Variants in TOP1MT observed in about 807,000 individuals in gnomAD.
TOP1MT encodes DNA topoisomerase I, mitochondrial.
A neutral mutation model predicts 73.9 loss-of-function variants in TOP1MT; 80 were observed. That is an observed-to-expected ratio of 1.08 (90% CI 0.90 to 1.30). The LOEUF (loss-of-function observed/expected upper bound fraction) is 1.30, where lower values mean the gene tolerates loss of function less well. TOP1MT is among the 50% of genes most tolerant of loss of function. TOP1MT has a pLI of 0.00. For missense variants in TOP1MT, 815 were observed against 808.0 expected, an observed-to-expected ratio of 1.01 and a Z score of -0.10; for synonymous variants, 338 against 326.4, an observed-to-expected ratio of 1.04 and a Z score of -0.38.
At chr8:143,323,265 T>C (rs1438215461) in intron 7 of TOP1MT, among the ~76,000 whole-genome samples, 40 of 14,006 alleles carry the variant, frequency 2.9e-3, no homozygotes, top group Non-Finnish European at 3.4e-3. Context: ...GCCACACACA[T>C]GCACGCCACA....
At chr8:143,330,074 C>A (rs957978330) in intron 2 of TOP1MT, among the ~76,000 whole-genome samples, 4 of 152,214 alleles carry the variant, frequency 2.6e-5, no homozygotes, top group African/African-American at 2.4e-5. Flanking sequence ...AATGCATAAT[C>A]ATTTGGTAAG....
At position 143,325,381 on chromosome 8, in the gene TOP1MT, C is replaced by A; in HGVS notation, c.636G>T (p.Arg212Ser). Residue 212 changes from arginine to serine, a missense_variant, in exon 5 of 14, where the codon AGG (arginine) becomes AGT (serine). By Grantham distance (110) the Arg-to-Ser change is moderately radical (BLOSUM62 -1). Around this residue, in one of 3 missense-constraint regions of TOP1MT, gnomAD observed 751 missense variants for 725.4 expected, o/e 1.04. Coordinates refer to ENST00000329245, the MANE Select transcript of TOP1MT (RefSeq NM_052963.3). ...DHPKMGMLKRRITPEDVVINC... is the reference protein window; with the variant it reads ...DHPKMGMLKRSITPEDVVINC... ...TGATAACCACATCCTCTGGCGTGAT[C>A]CTTCTCTTCAGCATCCCCATCTTGG... 6.2e-7 allele frequency: 1 copy of A among 1,606,864 alleles called. No homozygotes were observed. The highest frequency in any genetic ancestry group is 1.7e-5 in the Admixed American group (1 of 59,904).
intron 1 of TOP1MT, among the ~76,000 whole-genome samples, chr8:143,353,962 C>CT (rs1817363038): frequency 7.6e-5 from 1 of 13,088 alleles, no homozygotes; most frequent in Non-Finnish European, 1.2e-4. Context: ...AGACTCCATC[C>CT]CAAAAAAAAA....
At chr8:143,342,498 C>T (rs561385985) in intron 2 of TOP1MT, among the ~76,000 whole-genome samples, 3 of 124,088 alleles carry the variant, frequency 2.4e-5, no homozygotes, top group Admixed American at 8.3e-5. Flanking sequence ...GACAGAGTCT[C>T]GCTGTTATTA....
intron 8 of TOP1MT, among the ~76,000 whole-genome samples, chr8:143,318,810 G>A (rs2129979942): frequency 6.6e-6 from 1 of 152,198 alleles, no homozygotes; most frequent in Admixed American, 6.5e-5. Flanking sequence ...AAACCCACAG[G>A]CACCGGGACA....
chr8:143,322,519 A>AACAGGCATGCCAC (rs1816481061), intron 7 of TOP1MT, among the ~76,000 whole-genome samples: 1 of 76,022 alleles, frequency 1.3e-5, no homozygotes, highest in Non-Finnish European at 2.4e-5. Context: ...CACGCCACAC[A>AACAGGCATGCCAC]ACAGGCACGC....
At chr8:143,353,324 G>A (rs1275557188) in intron 1 of TOP1MT, among the ~76,000 whole-genome samples, 1 of 152,072 alleles carries the variant, frequency 6.6e-6, no homozygotes, top group East Asian at 1.9e-4. Flanking sequence ...GCTGAAGTGG[G>A]AGGGTGGCTT....
chr8:143,338,109 C>T (rs1042767120), upstream of TOP1MT, among the ~76,000 whole-genome samples: 1 of 152,138 alleles, frequency 6.6e-6, no homozygotes, highest in Admixed American at 6.5e-5. Flanking sequence ...TCCCTAAAAC[C>T]GGTGTCCGAG....
In TOP1MT at chr8:143,350,930, G is replaced by A. The variant is rs373348213; in HGVS notation, c.-39+5035C>T. On this transcript the variant is annotated intron_variant, in intron 1 of 5. Transcript: ENST00000518760. Reference sequence around the variant, plus strand: ...GTCTGGCTCCTGGGTCCTCCTCTTCGACCAGGCCCTGACCTTGGCTTAGTC... The same window carrying A: ...GTCTGGCTCCTGGGTCCTCCTCTTCAACCAGGCCCTGACCTTGGCTTAGTC... 2.9e-4 allele frequency among the ~76,000 whole-genome samples: 44 copies of A among 151,954 alleles called. No homozygotes were observed. In the East Asian group the frequency reaches 6.6e-3, roughly 23 times the overall value.
chr8:143,353,455 T>C (rs892615583), intron 1 of TOP1MT, among the ~76,000 whole-genome samples: 5 of 151,494 alleles, frequency 3.3e-5, no homozygotes, highest in African/African-American at 4.9e-5. Context: ...TAAATAAACA[T>C]TTCTTCAAAG....
chr8:143,359,523 AG>A, upstream of TOP1MT: 1 of 735,022 alleles, frequency 1.4e-6, no homozygotes, highest in South Asian at 6.3e-5. Flanking sequence ...TCAGGAGCCA[AG>A]GGAGCGATGA....
intron 2 of TOP1MT, among the ~76,000 whole-genome samples, chr8:143,329,742 G>T (rs543521322): frequency 6.6e-6 from 1 of 152,078 alleles, no homozygotes; most frequent in East Asian, 1.9e-4. Flanking sequence ...ACCACTTAAC[G>T]TTGCTACTAC....
chr8:143,326,258 G>A lies in TOP1MT; in HGVS notation c.447C>T (p.Ala149=), dbSNP rs773866251. The change falls in exon 4 of 14, where the codon GCC becomes GCT. Residue 149 remains alanine, a synonymous_variant. Coordinates refer to ENST00000329245, the MANE Select transcript of TOP1MT (RefSeq NM_052963.3). ...CCCTGCTCAGGACTTTCCGGGCTGC[G>A]GCCTTGTCCACAAAGTATCTGTGGA... ...TEIHRYFVDK[A]AARKVLSREE... is the part of the protein sequence containing the mutation. 2.1e-5 allele frequency: 34 copies of A among 1,613,814 alleles called. No individual in the cohort carries two copies. The highest frequency in any genetic ancestry group is 5.5e-5 in the South Asian group (5 of 91,086).
rs138532889 is a variant in TOP1MT at position 143,328,331 on chromosome 8, G to A, written c.360+1019C>T. ...GGCAAAGAACCTGCACCCAGGATGC[G>A]TTTTTAAAACTCCGATAAATGAGCG... On this transcript the variant is annotated intron_variant, in intron 3 of 13. Transcript: ENST00000329245. 3,402 of 444,758 alleles carry A rather than the reference G, an allele frequency of 7.6e-3. 28 individuals carry two copies. Among genetic ancestry groups the A allele is most frequent in the Non-Finnish European group, 0.012 (2,648 of 222,438 alleles). The allele number at this position is 444,758 out of a possible 1,614,324, so 27.6% of individuals were successfully genotyped here. A position where few individuals can be genotyped will look rare whatever the true frequency, so the allele number is the denominator to read the frequency against.
intron 3 of TOP1MT, among the ~76,000 whole-genome samples, chr8:143,326,846 G>C (rs977095384): frequency 2.6e-5 from 4 of 152,210 alleles, no homozygotes; most frequent in African/African-American, 9.7e-5. Context: ...ACCGGGGACT[G>C]GTCAGTTGTA....
chr8:143,319,819 CTT>C (rs561586169), intron 8 of TOP1MT, among the ~76,000 whole-genome samples: 2 of 146,346 alleles, frequency 1.4e-5, no homozygotes, highest in African/African-American at 5.0e-5. Flanking sequence ...AGAATGTAAC[CTT>C]TTTTTTTTTT....
intron 9 of TOP1MT, 57 bp downstream of exon 9, chr8:143,317,961 C>T: frequency 1.9e-6 from 3 of 1,596,870 alleles, no homozygotes; most frequent in Non-Finnish European, 8.6e-7. Flanking sequence ...TCAGCGCCCA[C>T]GCCCTCTCAC....
At chr8:143,340,914 C>G (rs1817067677) in intron 2 of TOP1MT, among the ~76,000 whole-genome samples, 1 of 152,206 alleles carries the variant, frequency 6.6e-6, no homozygotes, top group South Asian at 2.1e-4. Flanking sequence ...GCCCGTAACT[C>G]TCCTTTCTGC....
intron 13 of TOP1MT, 114 bp from the exon 14 acceptor site, chr8:143,309,657 C>A: frequency 6.5e-7 from 1 of 1,538,148 alleles, no homozygotes; most frequent in African/African-American, 1.4e-5. Context: ...CCAGAGCCGC[C>A]TGGTGTAGCT....
Sources: allele counts gnomAD v4.1 joint callset (sites outside exome capture counted in the v4.1 genomes callset), GRCh38; gene constraint gnomAD v4.1.1; regional missense constraint gnomAD v4.1.1; transcripts MANE v1.5; gene names NCBI Gene and HGNC (gene_info 2026-07-23, HGNC 2026-07-21).